Variants in NUCKS1 observed in about 807,000 individuals in gnomAD.
The protein encoded by NUCKS1 is nuclear ubiquitous casein and cyclin-dependent kinase substrate 1.
A neutral mutation model predicts 33.0 loss-of-function variants in NUCKS1; 2 were observed. That is an observed-to-expected ratio of 0.06 (90% CI 0.02 to 0.19). The LOEUF is 0.19. NUCKS1 is among the 10% of genes least tolerant of loss of function. NUCKS1 has a pLI of 1.00. For synonymous variants in NUCKS1, 106 were observed against 102.8 expected (o/e 1.03, Z -0.19); for missense variants, 201 against 293.6 (o/e 0.68, Z 2.31).
intron 1 of NUCKS1, among the ~76,000 whole-genome samples, chr1:205,735,337 T>C (rs560131703): frequency 1.2e-4 from 19 of 152,218 alleles, no homozygotes; most frequent in Non-Finnish European, 2.2e-4. Context: ...CTAGGAGCAA[T>C]AGGCTATACC....
intron 1 of NUCKS1, among the ~76,000 whole-genome samples, chr1:205,730,809 A>AATCTCC (rs1387576342): frequency 3.3e-5 from 5 of 152,050 alleles, no homozygotes; most frequent in African/African-American, 9.7e-5. Flanking sequence ...TCTACAAAAC[A>AATCTCC]ATCTCCCGTC....
chr1:205,741,278 C>A (rs1236149385), intron 1 of NUCKS1, among the ~76,000 whole-genome samples: 1 of 112,050 alleles, frequency 8.9e-6, no homozygotes, highest in Non-Finnish European at 1.7e-5. Context: ...CCAGCCTGGG[C>A]GACAGAGCGA....
chr1:205,739,446 G>C (rs1375493462), intron 1 of NUCKS1, among the ~76,000 whole-genome samples: 4 of 152,098 alleles, frequency 2.6e-5, no homozygotes, highest in African/African-American at 9.7e-5. Flanking sequence ...AAATATTGAG[G>C]GCAGAATGCC....
chr1:205,721,762 C>T (rs1671921714), intron 4 of NUCKS1, among the ~76,000 whole-genome samples: 1 of 151,980 alleles, frequency 6.6e-6, no homozygotes, highest in Middle Eastern at 3.4e-3. Context: ...TGCAACCTCA[C>T]CTCCCAGGTT....
rs2102430412 is a variant in NUCKS1, at chr1:205,720,554, T to C, written c.329A>G (p.Asp110Gly). Residue 110 changes from aspartate (D) to glycine (G), a missense_variant, in exon 5 of 7, where the codon GAT (aspartate) becomes GGT (glycine). Coordinates refer to ENST00000367142, the MANE Select transcript of NUCKS1 (RefSeq NM_022731.5). ...TTCTTGTTCTTCCTCACTGCCCACA[T>C]CTTCCATGAGCATCTCTCTCTGTTT... is the stretch of plus-strand genomic sequence containing the variant. ...ASKQREMLME[D>G]VGSEEEQEEE... 6.2e-7 allele frequency: 1 copy of C among 1,614,196 alleles called. No individual in the cohort carries two copies. Among genetic ancestry groups the C allele is most frequent in the Middle Eastern group, 1.6e-4 (1 of 6,062 alleles).
At chr1:205,722,673 G>A (rs560583454) in intron 4 of NUCKS1, among the ~76,000 whole-genome samples, 5 of 152,046 alleles carry the variant, frequency 3.3e-5, no homozygotes, top group African/African-American at 9.7e-5. Flanking sequence ...GATGGCGGGT[G>A]GGAGCCACCA....
In NUCKS1 at chr1:205,718,069, AT is replaced by A; in HGVS notation, c.*210del. On this transcript the variant is annotated 3_prime_UTR_variant, in exon 7 of 7. Coordinates refer to ENST00000367142, the MANE Select transcript of NUCKS1 (RefSeq NM_022731.5). ...AAAAAGGTAACTTAAACACTTACACATACAATGGTTTGCTTTAAAAAAAAAA... is the reference window on the plus strand; with the variant it reads ...AAAAAGGTAACTTAAACACTTACACAACAATGGTTTGCTTTAAAAAAAAAA... 1 of 1,248,198 alleles carries A rather than the reference AT, an allele frequency of 8.0e-7. No homozygotes were observed. The allele number at this position is 1,248,198 out of a possible 1,614,324, so 77.3% of individuals were successfully genotyped here.
intron 4 of NUCKS1, among the ~76,000 whole-genome samples, chr1:205,723,567 A>G (rs1440590264): frequency 2.6e-5 from 4 of 152,144 alleles, no homozygotes; most frequent in Non-Finnish European, 4.4e-5. Context: ...ACCAAGTTTT[A>G]TATTTATATA....
In NUCKS1 at chr1:205,723,994, G is replaced by A. The variant is rs772784223; in HGVS notation, c.174-13C>T. On this transcript the variant is annotated splice_polypyrimidine_tract_variant and intron_variant, in intron 3 of 6. Transcript: ENST00000367142. ...TTCTGAGTCCTCACTATAAAGGGAG[G>A]CAAAAAAGCAAATGCATAAAAGTCT... 2.7e-5 allele frequency: 44 copies of A among 1,600,334 alleles called. No homozygotes were observed. Among genetic ancestry groups the A allele is most frequent in the Non-Finnish European group, 5.1e-6 (6 of 1,167,846 alleles).
At chr1:205,749,888 C>G in intron 1 of NUCKS1, 69 bp downstream of exon 1, 1 of 1,503,742 alleles carries the variant, frequency 6.7e-7, no homozygotes, top group Non-Finnish European at 9.2e-7. Flanking sequence ...AGCCTTCTGT[C>G]CCCCACTCTT....
At chr1:205,731,970 C>T in intron 1 of NUCKS1, among the ~76,000 whole-genome samples, 1 of 151,958 alleles carries the variant, frequency 6.6e-6, no homozygotes, top group East Asian at 1.9e-4. Flanking sequence ...ATATTCTTGG[C>T]TGTATAGATT....
rs2102428626 is a variant in NUCKS1 at position 205,718,104 on chromosome 1, A to T, written c.*176T>A. 12 of 1,123,560 alleles carry T rather than the reference A, an allele frequency of 1.1e-5. No individual in the cohort carries two copies. The highest frequency in any genetic ancestry group is 4.2e-5 in the Admixed American group (1 of 23,706). 69.6% of individuals were successfully genotyped at this position (1,123,560 alleles called of 1,614,324 possible). A position where few individuals can be genotyped will look rare whatever the true frequency, so the allele number is the denominator to read the frequency against. On this transcript the variant is annotated 3_prime_UTR_variant, in exon 7 of 7. Coordinates refer to ENST00000367142, the MANE Select transcript of NUCKS1 (RefSeq NM_022731.5). ...TTGCTTTAAAAAAAAAAAAAAAAAA[A>T]GAGAGAGAGAGAGAAATGTTACTTT...
intron 1 of NUCKS1, among the ~76,000 whole-genome samples, chr1:205,747,685 T>C (rs1423725092): frequency 6.6e-6 from 1 of 152,240 alleles, no homozygotes; most frequent in Non-Finnish European, 1.5e-5. Flanking sequence ...ATTTTCCAAC[T>C]TGTGCTTTTT....
chr1:205,728,319 C>T (rs1211955476), intron 2 of NUCKS1, among the ~76,000 whole-genome samples: 1 of 149,990 alleles, frequency 6.7e-6, no homozygotes, highest in Non-Finnish European at 1.5e-5. Flanking sequence ...CATTTGCACA[C>T]ACACACATGC....
intron 2 of NUCKS1, among the ~76,000 whole-genome samples, 183 bp from the exon 3 acceptor site, chr1:205,727,988 C>T (rs1653819656): frequency 6.6e-6 from 1 of 152,088 alleles, no homozygotes; most frequent in African/African-American, 2.4e-5. Flanking sequence ...ACCTTCACTT[C>T]GTTTTTGCAT....
At chr1:205,726,160 T>C (rs1337751022) in intron 3 of NUCKS1, among the ~76,000 whole-genome samples, 1 of 151,954 alleles carries the variant, frequency 6.6e-6, no homozygotes, top group African/African-American at 2.4e-5. Context: ...GACCATACCA[T>C]TGCACTCCAG....
chr1:205,745,632 T>C (rs79280597), intron 1 of NUCKS1, among the ~76,000 whole-genome samples: 1 of 152,154 alleles, frequency 6.6e-6, no homozygotes, highest in Non-Finnish European at 1.5e-5. Context: ...TGAGGAGATA[T>C]TAAAAAAAAC....
At chr1:205,719,861 G>C in intron 5 of NUCKS1, 185 bp from the exon 6 acceptor site, 1 of 564,092 alleles carries the variant, frequency 1.8e-6, no homozygotes, top group East Asian at 3.0e-5. Flanking sequence ...AATGGATTTT[G>C]CATGCACCTT....
rs146969126 is a variant in NUCKS1, at chr1:205,718,382, C to T, written c.630G>A (p.Glu210=). 3,715 of 1,613,626 alleles carry T rather than the reference C, an allele frequency of 2.3e-3. 71 individuals carry two copies. Among genetic ancestry groups the T allele is most frequent in the South Asian group, 2.8e-3 (259 of 91,048 alleles). Residue 210 remains glutamate, a synonymous_variant, in exon 7 of 7, where the codon GAG becomes GAA. Coordinates refer to ENST00000367142, the MANE Select transcript of NUCKS1 (RefSeq NM_022731.5). The part of the protein sequence containing the change: ...EKTPSPKEED[E]EPESPPEKKT... Reference sequence around the variant, plus strand: ...TCTTTTCTGGCGGGCTTTCCGGTTCCTCATCTTCTTCTTTGGGAGAAGGAG... The same window carrying T: ...TCTTTTCTGGCGGGCTTTCCGGTTCTTCATCTTCTTCTTTGGGAGAAGGAG...
Sources: gnomAD v4.1 joint callset for allele counts (sites outside exome capture counted in the v4.1 genomes callset) on GRCh38, gnomAD v4.1.1 for gene constraint, MANE v1.5 for transcripts, NCBI Gene and HGNC (gene_info 2026-07-23, HGNC 2026-07-21) for gene names.